SMYD3: variants seen among roughly 807,000 people sequenced by gnomAD.
SMYD3 encodes SET and MYND domain containing 3.
Under a neutral mutation model 57.7 loss-of-function variants are expected in SMYD3, and 36 were observed. The ratio of observed to expected loss-of-function variants is 0.62; its 90% CI spans 0.48 to 0.82. The LOEUF (loss-of-function observed/expected upper bound fraction) is 0.82. Among genes scored for constraint, SMYD3 ranks in the 40% least tolerant of loss-of-function variants. The pLI is 0.00. For missense variants in SMYD3, 515 were observed against 538.8 expected, an observed-to-expected ratio of 0.96 and a Z score of 0.44; for synonymous variants, 211 against 195.0, an observed-to-expected ratio of 1.08 and a Z score of -0.68.
At chr1:245,844,096 CTG>C (rs1553339515) in intron 10 of SMYD3, among the ~76,000 whole-genome samples, 1 of 152,166 alleles carries the variant, frequency 6.6e-6, no homozygotes, top group Non-Finnish European at 1.5e-5. Context: ...TCCTCCTCCT[CTG>C]GCCAGGAGGA....
At position 246,167,002 on chromosome 1, in the gene SMYD3, A is replaced by C. The variant is rs147847657; in HGVS notation, c.531+160199T>G. 3.3e-3 allele frequency among the ~76,000 whole-genome samples: 499 copies of C among 152,268 alleles called. 1 individual carries two copies. The highest frequency in any genetic ancestry group is 0.011 in the African/African-American group (466 of 41,556). ...GCACTCCGTCTCTATGGATTCATCTACTTTGAACATTTCATACAAACGGAA... is the reference window on the plus strand; with the variant it reads ...GCACTCCGTCTCTATGGATTCATCTCCTTTGAACATTTCATACAAACGGAA... On this transcript the variant is annotated intron_variant, in intron 5 of 11. Coordinates refer to ENST00000490107, the MANE Select transcript of SMYD3 (RefSeq NM_001167740.2).
intron 10 of SMYD3, among the ~76,000 whole-genome samples, chr1:245,766,061 T>C (rs1288465070): frequency 6.6e-6 from 1 of 152,024 alleles, no homozygotes; most frequent in Non-Finnish European, 1.5e-5. Flanking sequence ...AAGCAGTACC[T>C]GGGAGGAAAG....
chr1:245,784,083 T>A (rs1306693847), intron 10 of SMYD3, among the ~76,000 whole-genome samples: 3 of 152,206 alleles, frequency 2.0e-5, no homozygotes, highest in African/African-American at 7.2e-5. Context: ...TAGCACAATT[T>A]TGGAAAAGGA....
intron 10 of SMYD3, among the ~76,000 whole-genome samples, chr1:245,784,388 A>G (rs1205162712): frequency 6.6e-6 from 1 of 152,198 alleles, no homozygotes; most frequent in Non-Finnish European, 1.5e-5. Flanking sequence ...TTATGGTCAC[A>G]TATTCTGTGG....
intron 8 of SMYD3, among the ~76,000 whole-genome samples, chr1:245,914,341 C>G (rs1281794266): frequency 6.6e-6 from 1 of 152,164 alleles, no homozygotes; most frequent in Non-Finnish European, 1.5e-5. Context: ...TACAGCAGCA[C>G]TATTCAGAAA....
chr1:245,988,029 C>G (rs189856240), intron 5 of SMYD3, among the ~76,000 whole-genome samples: 39 of 152,014 alleles, frequency 2.6e-4, no homozygotes, highest in African/African-American at 8.2e-4. Context: ...CGCTCCATAC[C>G]TCAGAACTAG....
intron 5 of SMYD3, among the ~76,000 whole-genome samples, chr1:246,074,607 G>A (rs2147805562): frequency 6.6e-6 from 1 of 152,284 alleles, no homozygotes; most frequent in East Asian, 1.9e-4. Context: ...TGTTTATAAA[G>A]CTTTTTAAAT....
intron 2 of SMYD3, among the ~76,000 whole-genome samples, chr1:246,340,276 G>A (rs1049768834): frequency 1.3e-5 from 2 of 149,408 alleles, no homozygotes; most frequent in Non-Finnish European, 1.5e-5. Flanking sequence ...TTGTCTTGGG[G>A]GAAGAAAACC....
At chr1:245,901,454 G>T (rs12081245) in intron 8 of SMYD3, among the ~76,000 whole-genome samples, 2,691 of 152,266 alleles carry the variant, frequency 0.018, 44 homozygotes, top group African/African-American at 0.043. Flanking sequence ...AGGTATATGA[G>T]TAACAGAAGA....
At chr1:246,351,657 T>C (rs2065826090) in intron 2 of SMYD3, among the ~76,000 whole-genome samples, 1 of 152,224 alleles carries the variant, frequency 6.6e-6, no homozygotes, top group African/African-American at 2.4e-5. Flanking sequence ...ACGCTATATA[T>C]GATGCATAAA....
intron 8 of SMYD3, among the ~76,000 whole-genome samples, chr1:245,909,735 GA>G (rs1171264971): frequency 6.6e-6 from 1 of 151,772 alleles, no homozygotes; most frequent in East Asian, 1.9e-4. Context: ...AATAGATGTT[GA>G]AAAAAACTTT....
chr1:245,854,804 G>A (rs1448253544), intron 10 of SMYD3, among the ~76,000 whole-genome samples: 2 of 152,194 alleles, frequency 1.3e-5, no homozygotes, highest in Non-Finnish European at 2.9e-5. Context: ...GTTCTGAAGG[G>A]AAGAGAGTTG....
intron 5 of SMYD3, among the ~76,000 whole-genome samples, chr1:246,138,703 G>A (rs1361947237): frequency 6.6e-6 from 1 of 151,896 alleles, no homozygotes; most frequent in African/African-American, 2.4e-5. Flanking sequence ...GGGATTACAG[G>A]CATGAGTCAC....
At chr1:245,980,071 T>C (rs1043253097) in intron 5 of SMYD3, among the ~76,000 whole-genome samples, 7 of 152,178 alleles carry the variant, frequency 4.6e-5, no homozygotes, top group African/African-American at 1.4e-4. Flanking sequence ...GTGGGAATGA[T>C]AGTGAAGTCG....
intron 9 of SMYD3, among the ~76,000 whole-genome samples, chr1:245,859,477 C>T (rs1034373586): frequency 3.3e-5 from 5 of 152,170 alleles, no homozygotes; most frequent in Non-Finnish European, 7.3e-5. Context: ...GGAGTGACTT[C>T]GCTTTTTAAA....
chr1:246,062,612 G>C (rs2060273667), intron 5 of SMYD3, among the ~76,000 whole-genome samples: 1 of 152,132 alleles, frequency 6.6e-6, no homozygotes, highest in Non-Finnish European at 1.5e-5. Flanking sequence ...TTTACATATT[G>C]ATATATTTTA....
At position 245,762,076 on chromosome 1, in the gene SMYD3, C is replaced by T. The variant is rs540587143; in HGVS notation, c.1185+1965G>A. On this transcript the variant is annotated intron_variant, in intron 11 of 11. Coordinates refer to ENST00000490107, the MANE Select transcript of SMYD3 (RefSeq NM_001167740.2). ...CTGGGATTATAGATGTGAGCCACCG[C>T]GCCCAGCCTGAGTCTTATTCAAAGT... Among the ~76,000 whole-genome samples the T allele has an allele frequency of 9.2e-5, 14 of 152,266 alleles. No individual in the cohort carries two copies. In the South Asian group the frequency reaches 1.0e-3, roughly 11 times the overall value.
At chr1:246,473,055 C>T (rs2067981830) in intron 1 of SMYD3, among the ~76,000 whole-genome samples, 1 of 152,016 alleles carries the variant, frequency 6.6e-6, no homozygotes, top group African/African-American at 2.4e-5. Flanking sequence ...CTGGGTTTCA[C>T]CATGTTGGCC....
At chr1:245,811,520 C>G (rs988464204) in intron 10 of SMYD3, among the ~76,000 whole-genome samples, 1 of 152,114 alleles carries the variant, frequency 6.6e-6, no homozygotes, top group Admixed American at 6.5e-5. Flanking sequence ...GGCTTAGGAT[C>G]TTCTGAATTT....
Sources: allele counts gnomAD v4.1 joint callset (sites outside exome capture counted in the v4.1 genomes callset), GRCh38; gene constraint gnomAD v4.1.1; transcripts MANE v1.5; gene names NCBI Gene and HGNC (gene_info 2026-07-23, HGNC 2026-07-21).